The following TENM2 variants were observed in gnomAD, a reference collection of about 807,000 sequenced individuals.
The protein encoded by TENM2 is teneurin-2.
TENM2 carries 52 observed loss-of-function variants against 245.2 expected under a neutral mutation model. That is an observed-to-expected ratio of 0.21 (90% CI 0.17 to 0.27). The LOEUF (loss-of-function observed/expected upper bound fraction) is 0.27, where lower values mean the gene tolerates loss of function less well. Among genes scored for constraint, TENM2 ranks in the 10% least tolerant of loss-of-function variants. The probability of loss-of-function intolerance (pLI) is 1.00; values close to 1 mark genes in which losing one functional copy is unlikely to be tolerated. For missense variants in TENM2, 3,046 were observed against 3,666.8 expected (o/e 0.83, Z 4.37); for synonymous variants, 1,363 against 1,438.9 (o/e 0.95, Z 1.19).
chr5:168,252,955 TTTTG>T lies in TENM2; in HGVS notation c.7432+4596_7432+4599del, dbSNP rs375618124. Among the ~76,000 whole-genome samples, 108 of 152,232 alleles carry T rather than the reference TTTTG, an allele frequency of 7.1e-4. 1 individual carries two copies. The highest frequency in any genetic ancestry group is 1.2e-3 in the South Asian group (6 of 4,814). ...CTCAACCCTTTAGAGCCACAGTATT[TTTTG>T]TTTGTTTGTTTTGTTTTGTTTTTTT... is the stretch of plus-strand genomic sequence containing the variant. On this transcript the variant is annotated intron_variant, in intron 27 of 28. Coordinates refer to ENST00000518659, the Ensembl canonical transcript of TENM2.
intron 2 of TENM2, among the ~76,000 whole-genome samples, chr5:167,429,246 G>T (rs776117321): frequency 6.6e-6 from 1 of 152,134 alleles, no homozygotes; most frequent in Non-Finnish European, 1.5e-5. Flanking sequence ...TTGCCTCTGG[G>T]TTTGTTTTAA....
intron 2 of TENM2, among the ~76,000 whole-genome samples, chr5:167,655,049 G>A (rs1754751358): frequency 1.3e-5 from 2 of 152,126 alleles, no homozygotes; most frequent in African/African-American, 4.8e-5. Context: ...ATAAGCAATT[G>A]TGTTAGTTAT....
At chr5:167,769,999 T>C (rs1240484400) in intron 2 of TENM2, among the ~76,000 whole-genome samples, 2 of 152,220 alleles carry the variant, frequency 1.3e-5, no homozygotes, top group Non-Finnish European at 2.9e-5. Flanking sequence ...TCAAAGCTAC[T>C]TTCTGTCTTC....
At chr5:167,726,758 C>A (rs1230497884) in intron 2 of TENM2, among the ~76,000 whole-genome samples, 1 of 152,116 alleles carries the variant, frequency 6.6e-6, no homozygotes, top group Non-Finnish European at 1.5e-5. Flanking sequence ...TATGCTGGGC[C>A]CCCTTTTCTT....
At chr5:168,047,732 G>A (rs145686526) in intron 6 of TENM2, among the ~76,000 whole-genome samples, 183 bp downstream of exon 8, 1 of 152,356 alleles carries the variant, frequency 6.6e-6, no homozygotes, top group East Asian at 1.9e-4. Context: ...CTGTCTGTTA[G>A]CTGTGTTTGG....
intron 2 of TENM2, among the ~76,000 whole-genome samples, chr5:167,512,569 A>G (rs894910353): frequency 3.9e-5 from 6 of 152,206 alleles, no homozygotes; most frequent in Non-Finnish European, 7.3e-5. Flanking sequence ...GAATAAGGAA[A>G]AAAGGAATAG....
chr5:167,995,133 C>A (rs1562028435), intron 5 of TENM2, among the ~76,000 whole-genome samples: 1 of 152,120 alleles, frequency 6.6e-6, no homozygotes, highest in East Asian at 1.9e-4. Context: ...CTGCCTCTGC[C>A]AATACCGTCC....
chr5:168,107,335 A>G (rs566107643), intron 9 of TENM2, among the ~76,000 whole-genome samples: 28 of 152,258 alleles, frequency 1.8e-4, no homozygotes, highest in Admixed American at 5.2e-4. Context: ...AGAGTTCTCC[A>G]GAGTTCTCCC....
chr5:167,834,311 C>A (rs1406615247), intron 2 of TENM2, among the ~76,000 whole-genome samples: 1 of 152,164 alleles, frequency 6.6e-6, no homozygotes, highest in Admixed American at 6.5e-5. Context: ...TAGGTCCTGG[C>A]TCCTTTTATG....
chr5:167,405,518 G>C (rs187541978), intron 2 of TENM2, among the ~76,000 whole-genome samples: 1 of 152,016 alleles, frequency 6.6e-6, no homozygotes, highest in South Asian at 2.1e-4. Context: ...CCTTCCCAAG[G>C]AGCTCTTATA....
rs749016436 is a variant in TENM2, at chr5:167,470,454, C to CTTTTTTTTTTTTTTTTTTTTTTTTTT, written c.502+95003_502+95004insTTTTTTTTTTTTTTTTTTTTTTTTTT. Among the ~76,000 whole-genome samples, 95 of 47,398 alleles carry CTTTTTTTTTTTTTTTTTTTTTTTTTT rather than the reference C, an allele frequency of 2.0e-3. 20 individuals are homozygous for CTTTTTTTTTTTTTTTTTTTTTTTTTT. Among genetic ancestry groups the CTTTTTTTTTTTTTTTTTTTTTTTTTT allele is most frequent in the East Asian group, 4.8e-3 (6 of 1,254 alleles). The allele number at this position is 47,398 out of a possible 152,430, so 31.1% of individuals were successfully genotyped here. A position where few individuals can be genotyped will look rare whatever the true frequency, so the allele number is the denominator to read the frequency against. The stretch of plus-strand genomic sequence containing the variant: ...TACAGAGAGGTATGGGCAATGCTTG[C>CTTTTTTTTTTTTTTTTTTTTTTTTTT]TTTTTTTTTTTTTTTTTTTTTTGCT... On this transcript the variant is annotated intron_variant, in intron 2 of 28. Coordinates refer to ENST00000518659, the Ensembl canonical transcript of TENM2.
intron 2 of TENM2, among the ~76,000 whole-genome samples, chr5:167,507,313 C>T (rs1270003266): frequency 6.6e-6 from 1 of 152,178 alleles, no homozygotes; most frequent in Non-Finnish European, 1.5e-5. Flanking sequence ...AAAATCAACT[C>T]TCTGTGGCAC....
chr5:168,246,753 G>C lies in TENM2; in HGVS notation c.5818-4G>C. ...TATGTTCTGTTCCCCTTTCCTTTCT[G>C]CAGTCCATGGTCCTCCTGCTTCAGA... On this transcript the variant is annotated splice_region_variant and splice_polypyrimidine_tract_variant and intron_variant, in intron 26 of 28. Coordinates refer to ENST00000518659, the Ensembl canonical transcript of TENM2. 6.2e-7 allele frequency: 1 copy of C among 1,611,610 alleles called. No homozygotes were observed.
intron 2 of TENM2, among the ~76,000 whole-genome samples, chr5:167,642,251 T>C (rs1234473753): frequency 5.9e-5 from 9 of 152,128 alleles, no homozygotes; most frequent in African/African-American, 2.2e-4. Flanking sequence ...TTTAAGGCTT[T>C]TTCTCTTTGC....
At chr5:167,564,508 C>T (rs1773780347) in intron 2 of TENM2, among the ~76,000 whole-genome samples, 1 of 152,128 alleles carries the variant, frequency 6.6e-6, no homozygotes, top group Non-Finnish European at 1.5e-5. Context: ...GTAAAAGAAT[C>T]ACCCTGATTA....
chr5:167,641,957 A>G (rs866598743), intron 2 of TENM2, among the ~76,000 whole-genome samples: 3 of 152,032 alleles, frequency 2.0e-5, no homozygotes, highest in Admixed American at 6.6e-5. Context: ...CCTGACCAAC[A>G]TGGTGAAACC....
In TENM2 at chr5:168,262,485, A is replaced by T. The variant is rs761802022; in HGVS notation, c.8000A>T (p.Asn2667Ile). ...AACGGCAGGACTCGAAGGTTCACGAACATTGAGTTCCAGTACTCCACGCTG... is the reference window on the plus strand; with the variant it reads ...AACGGCAGGACTCGAAGGTTCACGATCATTGAGTTCCAGTACTCCACGCTG... The change falls in exon 29 of 29, where the codon AAC becomes ATC. Residue 2667 changes from asparagine (N) to isoleucine (I), a missense_variant. Around this residue, in one of 2 missense-constraint regions of TENM2, gnomAD observed 2,704 missense variants for 3,331.9 expected, o/e 0.81. Transcript: ENST00000518659. The T allele has an allele frequency of 9.0e-6, 14 of 1,559,912 alleles. No individual in the cohort carries two copies. The Admixed American group carries it at 1.7e-4, about 19-fold the overall frequency.
the TENM2 span, among the ~76,000 whole-genome samples, chr5:167,107,177 G>T: frequency 6.6e-6 from 1 of 151,934 alleles, no homozygotes; most frequent in South Asian, 2.1e-4. Flanking sequence ...CAGGAGAATT[G>T]CTTGAACCAG....
chr5:167,474,745 A>T (rs904676363), intron 2 of TENM2, among the ~76,000 whole-genome samples: 1 of 152,048 alleles, frequency 6.6e-6, no homozygotes, highest in Non-Finnish European at 1.5e-5. Context: ...TGAACTCCTG[A>T]CCTCAGGTGA....
Sources: gnomAD v4.1 joint callset for allele counts (sites outside exome capture counted in the v4.1 genomes callset) on GRCh38, gnomAD v4.1.1 for gene constraint, gnomAD v4.1.1 regional missense constraint, MANE v1.5 for transcripts, NCBI Gene and HGNC (gene_info 2026-07-23, HGNC 2026-07-21) for gene names.